TTLL10: variants seen among roughly 807,000 people sequenced by gnomAD.
TTLL10 encodes tubulin tyrosine ligase like 10.
A neutral mutation model predicts 69.0 loss-of-function variants in TTLL10; 61 were observed. That is an observed-to-expected ratio of 0.88 (90% CI 0.72 to 1.09). The LOEUF (loss-of-function observed/expected upper bound fraction) is 1.09, where lower values mean the gene tolerates loss of function less well. Ranked by LOEUF, TTLL10 falls within the 50% of genes least tolerant of loss-of-function variation. TTLL10 has a pLI of 0.00. For synonymous variants in TTLL10, 408 were observed against 393.3 expected, an observed-to-expected ratio of 1.04 and a Z score of -0.44; for missense variants, 962 against 945.9, an observed-to-expected ratio of 1.02 and a Z score of -0.22.
At position 1,197,467 on chromosome 1, in the gene TTLL10, C is replaced by T; in HGVS notation, c.1642C>T (p.Leu548=). ...DLVLETFRKS[L]RGQKMLPLLS... is the part of the protein sequence containing the mutation. ...GGTGCTCGAGACCTTCCGGAAGAGC[C>T]TGCGCGGCCAGAAGATGTTGCCTCT... The change falls in exon 16 of 16, where the codon CTG becomes TTG. Residue 548 remains leucine, a synonymous_variant. Transcript: ENST00000379289. The T allele has an allele frequency of 6.5e-7, 1 of 1,545,784 alleles. No homozygotes were observed. Among genetic ancestry groups the T allele is most frequent in the Non-Finnish European group, 8.7e-7 (1 of 1,145,666 alleles).
In TTLL10 at chr1:1,181,614, G is replaced by A; in HGVS notation, c.756-127G>A. On this transcript the variant is annotated intron_variant, in intron 8 of 15. Transcript: ENST00000379289. The surrounding 1 kb of genome is among the most constrained non-coding windows in gnomAD (Gnocchi z 4.6). ...TCCCCCAGGCACCGCCGTCCACCCAGCCACCTCCTTCCACCACAACTCACA... is the reference window on the plus strand; with the variant it reads ...TCCCCCAGGCACCGCCGTCCACCCAACCACCTCCTTCCACCACAACTCACA... 1.2e-6 allele frequency: 1 copy of A among 833,748 alleles called. No individual in the cohort carries two copies. Among genetic ancestry groups the A allele is most frequent in the Non-Finnish European group, 1.9e-6 (1 of 528,242 alleles). 51.6% of individuals were successfully genotyped at this position (833,748 alleles called of 1,614,324 possible). A position where few individuals can be genotyped will look rare whatever the true frequency, so the allele number is the denominator to read the frequency against.
intron 8 of TTLL10, 21 bp downstream of exon 8, chr1:1,180,881 GC>G: frequency 1.3e-6 from 2 of 1,533,428 alleles, no homozygotes; most frequent in Non-Finnish European, 1.8e-6. Context: ...CCCTGCCCCT[GC>G]CCCCGTCCCT....
chr1:1,196,556 G>C (rs898139780), intron 13 of TTLL10, 44 bp from the exon 14 acceptor site: 9 of 1,452,602 alleles, frequency 6.2e-6, no homozygotes, highest in South Asian at 2.4e-5. Flanking sequence ...GGTGTGATCA[G>C]GGCCTACGGG....
chr1:1,182,321 A>G (rs1647096673), intron 9 of TTLL10, 40 bp from the exon 10 acceptor site: 1 of 1,583,286 alleles, frequency 6.3e-7, no homozygotes, highest in Non-Finnish European at 8.7e-7. Flanking sequence ...GCCAGGGGCG[A>G]AGGGACAGCA....
At chr1:1,182,151 C>T (rs1349119191) in intron 9 of TTLL10, among the ~76,000 whole-genome samples, 1 of 152,174 alleles carries the variant, frequency 6.6e-6, no homozygotes, top group African/African-American at 2.4e-5. Flanking sequence ...TGGGGGTCAG[C>T]GGCCAGAAGG....
At position 1,182,447 on chromosome 1, in the gene TTLL10, G is replaced by A. The variant is rs375780706; in HGVS notation, c.916+1G>A. 2 of 1,613,724 alleles carry A rather than the reference G, an allele frequency of 1.2e-6. No homozygotes were observed. The highest frequency in any genetic ancestry group is 2.7e-5 in the African/African-American group (2 of 74,926). On this transcript the variant is annotated splice_donor_variant, in intron 10 of 15. Transcript: ENST00000379289. LOFTEE classifies it high-confidence loss of function. Reference sequence around the variant, plus strand: ...GAGGCCTTTTTCACCTTGTTTGATGGTGAGACGCTGCTGGCCGGACACCAG... The same window carrying A: ...GAGGCCTTTTTCACCTTGTTTGATGATGAGACGCTGCTGGCCGGACACCAG...
At chr1:1,191,949 G>A (rs1647818223) in intron 13 of TTLL10, among the ~76,000 whole-genome samples, 1 of 152,276 alleles carries the variant, frequency 6.6e-6, no homozygotes. Flanking sequence ...TCCGCCCTGG[G>A]CGGGCCAGGT....
intron 12 of TTLL10, among the ~76,000 whole-genome samples, chr1:1,184,558 G>A (rs539780308): frequency 6.6e-5 from 10 of 152,332 alleles, no homozygotes; most frequent in South Asian, 6.2e-4. Flanking sequence ...GGGTCTCAGC[G>A]GATGAAGGTT....
Position 1,187,601 on chromosome 1 carries a change from G to A in TTLL10, c.1401+2492G>A, listed in dbSNP as rs1043770670. On this transcript the variant is annotated intron_variant, in intron 13 of 15. Transcript: ENST00000379289. ...GCCAAGATCGTGCCACTGCACTCTA[G>A]CCTGGGCAACAGAGCAAGACTCCAT... Among the ~76,000 whole-genome samples the A allele has an allele frequency of 4.6e-5, 7 of 151,876 alleles. No homozygotes were observed. In the South Asian group the frequency reaches 1.2e-3, roughly 27 times the overall value.
At chr1:1,191,630 G>T (rs9730380) in intron 13 of TTLL10, among the ~76,000 whole-genome samples, 1 of 152,084 alleles carries the variant, frequency 6.6e-6, no homozygotes, top group Non-Finnish European at 1.5e-5. Flanking sequence ...ACCCTAACCC[G>T]GCGGCGCTAG....
At position 1,180,159 on chromosome 1, in the gene TTLL10, G is replaced by A. The variant is rs1325980831; in HGVS notation, c.325G>A (p.Ala109Thr). 2.5e-6 allele frequency: 4 copies of A among 1,611,190 alleles called. No homozygotes were observed. Among genetic ancestry groups the A allele is most frequent in the East Asian group, 2.2e-5 (1 of 44,814 alleles). Residue 109 changes from alanine (A) to threonine (T), a missense_variant, in exon 6 of 16, where the codon GCC becomes ACC. Coordinates refer to ENST00000379289, the MANE Select transcript of TTLL10 (RefSeq NM_001130045.2). The part of the protein sequence containing the change: ...PDLEGAERAS[A>T]TPGPPGLLNS... ...CCTGGAGGGGGCAGAAAGAGCCTCTGCCACACCCGGACCCCCTGGGCTCCT... is the reference window on the plus strand; with the variant it reads ...CCTGGAGGGGGCAGAAAGAGCCTCTACCACACCCGGACCCCCTGGGCTCCT...
In TTLL10 at chr1:1,179,380, G is replaced by A; in HGVS notation, c.118+47G>A. 2.0e-6 allele frequency: 3 copies of A among 1,511,516 alleles called. No homozygotes were observed. In the South Asian group the frequency reaches 3.6e-5, roughly 18 times the overall value. The allele number at this position is 1,511,516 out of a possible 1,614,324, so 93.6% of individuals were successfully genotyped here. A position where few individuals can be genotyped will look rare whatever the true frequency, so the allele number is the denominator to read the frequency against. ...GGCCTCCTACCTCTCCAAGGCCAAG[G>A]CCTCCCTGGGACGGGTGCCCCATAC... On this transcript the variant is annotated intron_variant, in intron 4 of 15. Transcript: ENST00000379289.
chr1:1,196,376 G>A (rs142225534), intron 13 of TTLL10: 4 of 535,876 alleles, frequency 7.5e-6, no homozygotes, highest in African/African-American at 3.8e-5. Flanking sequence ...CCTCACTCTC[G>A]TATCTCCAGT....
chr1:1,176,618 G>A (rs1347094293), intron 3 of TTLL10, among the ~76,000 whole-genome samples: 1 of 152,166 alleles, frequency 6.6e-6, no homozygotes, highest in Non-Finnish European at 1.5e-5. Flanking sequence ...AGCCCTGTGT[G>A]TCCCCAGGAA....
In TTLL10 at chr1:1,197,573, G is replaced by A. The variant is rs766057941; in HGVS notation, c.1748G>A (p.Arg583His). The change falls in exon 16 of 16, where the codon CGC becomes CAC. Residue 583 changes from arginine to histidine, a missense_variant. By Grantham distance (29) the Arg-to-His change is conservative. Transcript: ENST00000379289. ...RPHLGGSCSLRRWPPLPTRQA... is the reference protein window; with the variant it reads ...RPHLGGSCSLHRWPPLPTRQA... ...CACCTGGGGGGCTCGTGCAGCCTCC[G>A]CCGCTGGCCGCCCCTGCCCACCCGC... The A allele has an allele frequency of 1.1e-5, 17 of 1,514,864 alleles. No homozygotes were observed. The highest frequency in any genetic ancestry group is 4.9e-5 in the East Asian group (2 of 40,406). The allele number at this position is 1,514,864 out of a possible 1,614,324, so 93.8% of individuals were successfully genotyped here.
chr1:1,196,413 AG>A lies in TTLL10; in HGVS notation c.1402-186del, dbSNP rs1213110424. ...CCTGACACAGGACAGGAGCTGCACG[AG>A]TTTGTTGAGTGAGTTTCTGGCTGTG... On this transcript the variant is annotated intron_variant, in intron 13 of 15. Coordinates refer to ENST00000379289, the MANE Select transcript of TTLL10 (RefSeq NM_001130045.2). 5 of 596,710 alleles carry A rather than the reference AG, an allele frequency of 8.4e-6. No homozygotes were observed. The East Asian group carries it at 1.4e-4, about 17-fold the overall frequency. The allele number at this position is 596,710 out of a possible 1,614,324, so 37.0% of individuals were successfully genotyped here.
chr1:1,192,642 C>T (rs1336280165), intron 13 of TTLL10, among the ~76,000 whole-genome samples: 1 of 151,760 alleles, frequency 6.6e-6, no homozygotes, highest in Non-Finnish European at 1.5e-5. Context: ...TGTAGACACT[C>T]CAGTTGGTAT....
At position 1,196,731 on chromosome 1, in the gene TTLL10, G is replaced by A. The variant is rs921015009; in HGVS notation, c.1518+15G>A. The A allele has an allele frequency of 1.5e-5, 22 of 1,515,610 alleles. No individual in the cohort carries two copies. Among genetic ancestry groups the A allele is most frequent in the Middle Eastern group, 3.4e-4 (2 of 5,926 alleles). The allele number at this position is 1,515,610 out of a possible 1,614,324, so 93.9% of individuals were successfully genotyped here. On this transcript the variant is annotated intron_variant, in intron 14 of 15. Transcript: ENST00000379289. ...ACAACTTCAAGGTGCTGTCCTGGGCGGCGGGGGGCACAGTAGACAGATGCA... is the reference window on the plus strand; with the variant it reads ...ACAACTTCAAGGTGCTGTCCTGGGCAGCGGGGGGCACAGTAGACAGATGCA...
intron 12 of TTLL10, 128 bp downstream of exon 12, chr1:1,184,219 A>C: frequency 7.5e-7 from 1 of 1,329,688 alleles, no homozygotes; most frequent in Non-Finnish European, 1.0e-6. Context: ...GAGGTGTCTC[A>C]GGCCTGGAAG....
Sources: allele counts gnomAD v4.1 joint callset (sites outside exome capture counted in the v4.1 genomes callset), GRCh38; gene constraint gnomAD v4.1.1; non-coding constraint Gnocchi (gnomAD v3.1); transcripts MANE v1.5; gene names NCBI Gene and HGNC (gene_info 2026-07-23, HGNC 2026-07-21).